Variants in GCNT4 observed in about 807,000 individuals in gnomAD.
GCNT4 encodes the protein beta-1,3-galactosyl-O-glycosyl-glycoprotein beta-1,6-N-acetylglucosaminyltransferase 4.
In GCNT4, 17 loss-of-function variants were observed where a neutral mutation model predicts 31.3. The observed-to-expected ratio is 0.54, with a 90% confidence interval of 0.37 to 0.81. GCNT4 has a LOEUF of 0.81. GCNT4 is among the 40% of genes least tolerant of loss of function. The pLI is 0.00. For missense variants in GCNT4, 503 were observed against 525.5 expected (o/e 0.96, Z 0.42); for synonymous variants, 158 against 190.6 (o/e 0.83, Z 1.41).
At chr5:75,047,211 A>G (rs1304831875) in intron 3 of GCNT4, among the ~76,000 whole-genome samples, 1 of 152,148 alleles carries the variant, frequency 6.6e-6, no homozygotes, top group East Asian at 1.9e-4. Flanking sequence ...TCTCCTGTTG[A>G]TATTTCTTAA....
At chr5:75,017,783 G>C in the GCNT4 span, among the ~76,000 whole-genome samples, 1 of 152,136 alleles carries the variant, frequency 6.6e-6, no homozygotes, top group South Asian at 2.1e-4. Context: ...AATTCCTGCT[G>C]CCACTACAGC....
In GCNT4 at chr5:75,027,360, T is replaced by TA; in HGVS notation, c.*1315dup. ...ACAATATATGTATATATAATATATA[T>TA]ATTTATATATTATATATGTAATGGA... On this transcript the variant is annotated 3_prime_UTR_variant, in exon 4 of 4. Coordinates refer to ENST00000652361, the MANE Select transcript of GCNT4 (RefSeq NM_001366737.1). 2.4e-3 allele frequency: 3 copies of TA among 1,258 alleles called. No individual in the cohort carries two copies. Among genetic ancestry groups the TA allele is most frequent in the Non-Finnish European group, 4.0e-3 (3 of 746 alleles). 0.1% of individuals were successfully genotyped at this position (1,258 alleles called of 1,614,324 possible).
chr5:75,047,065 G>C (rs570406782), intron 3 of GCNT4, among the ~76,000 whole-genome samples: 1 of 152,238 alleles, frequency 6.6e-6, no homozygotes. Context: ...TTTTTGCCTT[G>C]CTACATTTTT....
chr5:75,051,423 C>T (rs1182795784), intron 2 of GCNT4, among the ~76,000 whole-genome samples: 1 of 152,332 alleles, frequency 6.6e-6, no homozygotes, highest in East Asian at 1.9e-4. Flanking sequence ...GCTTTCTTCC[C>T]GCCTTGTAGC....
At chr5:75,045,646 C>T (rs1743421378) in intron 3 of GCNT4, among the ~76,000 whole-genome samples, 1 of 152,336 alleles carries the variant, frequency 6.6e-6, no homozygotes, top group South Asian at 2.1e-4. Context: ...AGAATATCCC[C>T]TATATAAACC....
At chr5:75,041,943 T>C (rs1464682861) in intron 3 of GCNT4, among the ~76,000 whole-genome samples, 2 of 152,202 alleles carry the variant, frequency 1.3e-5, no homozygotes, top group African/African-American at 4.8e-5. Flanking sequence ...GAGTAAAACA[T>C]TAACAGTTTT....
At position 75,028,519 on chromosome 5, in the gene GCNT4, A is replaced by G. The variant is rs546035692; in HGVS notation, c.*157T>C. 66 of 686,606 alleles carry G rather than the reference A, an allele frequency of 9.6e-5. No homozygotes were observed. In the South Asian group the frequency reaches 1.5e-3, roughly 15 times the overall value. 42.5% of individuals were successfully genotyped at this position (686,606 alleles called of 1,614,324 possible). Reference sequence around the variant, plus strand: ...ACCTAGCCAACTGCAGGCTAATAACATCAAAGGCTAGATCACTTTCCCTTG... The same window carrying G: ...ACCTAGCCAACTGCAGGCTAATAACGTCAAAGGCTAGATCACTTTCCCTTG... On this transcript the variant is annotated 3_prime_UTR_variant, in exon 4 of 4. Coordinates refer to ENST00000652361, the MANE Select transcript of GCNT4 (RefSeq NM_001366737.1).
At position 75,028,575 on chromosome 5, in the gene GCNT4, T is replaced by C. The variant is rs926829977; in HGVS notation, c.*101A>G. ...GGAATTTTGGACACCTTTTAAAATA[T>C]GGGAGGACTGAGTTTAAACAGTATT... On this transcript the variant is annotated 3_prime_UTR_variant, in exon 4 of 4. Coordinates refer to ENST00000652361, the MANE Select transcript of GCNT4 (RefSeq NM_001366737.1). 9 of 1,133,572 alleles carry C rather than the reference T, an allele frequency of 7.9e-6. No homozygotes were observed. The highest frequency in any genetic ancestry group is 2.6e-5 in the Admixed American group (1 of 39,026). The allele number at this position is 1,133,572 out of a possible 1,614,324, so 70.2% of individuals were successfully genotyped here. A position where few individuals can be genotyped will look rare whatever the true frequency, so the allele number is the denominator to read the frequency against.
At chr5:75,038,157 G>A (rs1424644623) in intron 3 of GCNT4, among the ~76,000 whole-genome samples, 1 of 151,778 alleles carries the variant, frequency 6.6e-6, no homozygotes, top group East Asian at 1.9e-4. Flanking sequence ...TTATGAACAA[G>A]TCCTAACCTA....
chr5:75,029,148 T>C lies in GCNT4; in HGVS notation c.890A>G (p.Gln297Arg), dbSNP rs1467574044. Residue 297 changes from glutamine (Q) to arginine (R), a missense_variant, in exon 4 of 4, where the codon CAG (glutamine) becomes CGG (arginine). By Grantham distance (43) the Gln-to-Arg change is conservative. Coordinates refer to ENST00000652361, the MANE Select transcript of GCNT4 (RefSeq NM_001366737.1). ...AAAATAAGCACTGCCAACAAATATC[T>C]GAATGTTATGGGGGGGTGCTTCCTT... ...ISKEAPPHNI[Q>R]IFVGSAYFVL... The C allele has an allele frequency of 6.2e-7, 1 of 1,613,986 alleles. No individual in the cohort carries two copies. The highest frequency in any genetic ancestry group is 8.5e-7 in the Non-Finnish European group (1 of 1,180,006).
chr5:75,030,028 A>G lies in GCNT4; in HGVS notation c.10T>C (p.Phe4Leu), dbSNP rs143923268. 2.9e-4 allele frequency: 460 copies of G among 1,594,076 alleles called. 1 individual carries two copies. The highest frequency in any genetic ancestry group is 3.6e-4 in the Non-Finnish European group (423 of 1,172,500). Reference sequence around the variant, plus strand: ...AGGGTATGTTTAAAATAACATTTGAATATCTTCATTCTGTAAGAGGAGAAA... The same window carrying G: ...AGGGTATGTTTAAAATAACATTTGAGTATCTTCATTCTGTAAGAGGAGAAA... MKI[F>L]KCYFKHTLQQ... is the part of the protein sequence containing the mutation. Residue 4 changes from phenylalanine (F) to leucine (L), a missense_variant, in exon 4 of 4, where the codon TTC (phenylalanine) becomes CTC (leucine). Transcript: ENST00000652361.
chr5:75,033,763 C>A (rs1743132305), intron 3 of GCNT4, among the ~76,000 whole-genome samples: 1 of 151,714 alleles, frequency 6.6e-6, no homozygotes, highest in African/African-American at 2.4e-5. Context: ...TGGTTTGCTG[C>A]ACCTATCAAC....
At chr5:75,053,788 G>T (rs1411554666), upstream of GCNT4, among the ~76,000 whole-genome samples, 1 of 152,138 alleles carries the variant, frequency 6.6e-6, no homozygotes, top group African/African-American at 2.4e-5. Context: ...GCCGCGCTTC[G>T]GACAAAGTTC....
downstream of GCNT4, among the ~76,000 whole-genome samples, chr5:75,022,340 TA>T (rs1408371147): frequency 6.6e-6 from 1 of 152,198 alleles, no homozygotes; most frequent in African/African-American, 2.4e-5. Context: ...AGAAAGCATA[TA>T]AAACAGCATA....
upstream of GCNT4, among the ~76,000 whole-genome samples, chr5:75,053,222 G>A (rs1020160621): frequency 6.6e-5 from 10 of 151,710 alleles, no homozygotes; most frequent in South Asian, 2.1e-4. Context: ...CGCGCGCCGG[G>A]TCGCCCACCC....
At chr5:75,034,896 G>T (rs1367716252) in intron 3 of GCNT4, among the ~76,000 whole-genome samples, 2 of 152,264 alleles carry the variant, frequency 1.3e-5, no homozygotes, top group Non-Finnish European at 2.9e-5. Context: ...GAACACAGAG[G>T]TGCACCCCAG....
At chr5:75,053,217 G>GT (rs1352915383), upstream of GCNT4, among the ~76,000 whole-genome samples, 2 of 117,220 alleles carry the variant, frequency 1.7e-5, no homozygotes, top group African/African-American at 5.9e-5. Context: ...CTAGGCGCGC[G>GT]CCGGGTCGCC....
downstream of GCNT4, among the ~76,000 whole-genome samples, chr5:75,022,391 C>T (rs770103397): frequency 6.6e-6 from 1 of 152,110 alleles, no homozygotes; most frequent in Non-Finnish European, 1.5e-5. Context: ...GTCTTAGGAT[C>T]AAGAGGTATG....
At chr5:75,038,666 G>T (rs573916234) in intron 3 of GCNT4, among the ~76,000 whole-genome samples, 8 of 152,304 alleles carry the variant, frequency 5.3e-5, no homozygotes, top group African/African-American at 1.7e-4. Context: ...GGGGGGAGAG[G>T]TGAATGAGCT....
Sources: gnomAD v4.1 joint callset for allele counts (sites outside exome capture counted in the v4.1 genomes callset) on GRCh38, gnomAD v4.1.1 for gene constraint, MANE v1.5 for transcripts, NCBI Gene and HGNC (gene_info 2026-07-23, HGNC 2026-07-21) for gene names.